ARHGAP8: variants seen among roughly 807,000 people sequenced by gnomAD.
ARHGAP8 encodes the protein rho GTPase-activating protein 8.
In ARHGAP8, 62 loss-of-function variants were observed where a neutral mutation model predicts 46.1. The observed-to-expected ratio is 1.34, with a 90% confidence interval of 1.10 to 1.66. ARHGAP8 has a LOEUF of 1.66. Among genes scored for constraint, ARHGAP8 ranks in the 40% most tolerant of loss-of-function variants. ARHGAP8 has a pLI of 0.00. For synonymous variants in ARHGAP8, 375 were observed against 243.1 expected (o/e 1.54, Z -5.05); for missense variants, 923 against 568.4 (o/e 1.62, Z -6.34).
chr22:44,762,386 T>C (rs1338877238), intron 1 of ARHGAP8, among the ~76,000 whole-genome samples: 1 of 151,988 alleles, frequency 6.6e-6, no homozygotes, highest in Non-Finnish European at 1.5e-5. Flanking sequence ...TAGTGAGCTA[T>C]GATCATACCA....
intron 2 of ARHGAP8, among the ~76,000 whole-genome samples, chr22:44,787,838 C>A (rs1927370703): frequency 6.6e-6 from 1 of 151,322 alleles, no homozygotes; most frequent in African/African-American, 2.4e-5. Flanking sequence ...ATGATAAACA[C>A]TTTAGTGCAC....
chr22:44,860,585 G>A (rs924791217), intron 11 of ARHGAP8, among the ~76,000 whole-genome samples: 4 of 152,030 alleles, frequency 2.6e-5, no homozygotes, highest in Admixed American at 2.6e-4. Flanking sequence ...TCCAAATAAG[G>A]TCACAGTCAG....
rs2070361651 is a variant in ARHGAP8 at position 44,859,557 on chromosome 22, A to C, written c.878-174A>C. The C allele has an allele frequency of 6.3e-6, 4 of 639,018 alleles. No individual in the cohort carries two copies. The East Asian group carries it at 8.3e-5, about 13-fold the overall frequency. The allele number at this position is 639,018 out of a possible 1,614,324, so 39.6% of individuals were successfully genotyped here. On this transcript the variant is annotated intron_variant, in intron 10 of 11. Coordinates refer to ENST00000356099, the MANE Select transcript of ARHGAP8 (RefSeq NM_181335.3). ...TCTCAGCAAGAATAGCCAAACACACAGGTTTGCTGAGCAGAGCCATACGGC... is the reference window on the plus strand; with the variant it reads ...TCTCAGCAAGAATAGCCAAACACACCGGTTTGCTGAGCAGAGCCATACGGC...
intron 1 of ARHGAP8, among the ~76,000 whole-genome samples, chr22:44,762,508 C>T (rs1925206647): frequency 6.6e-6 from 1 of 150,616 alleles, no homozygotes. Context: ...CTTGGAAGAG[C>T]ATCTTTTGTT....
chr22:44,837,430 C>T (rs1299894008), intron 7 of ARHGAP8, among the ~76,000 whole-genome samples: 1 of 152,178 alleles, frequency 6.6e-6, no homozygotes, highest in African/African-American at 2.4e-5. Context: ...GCTCCAGAGT[C>T]CTCCTGCCCA....
At chr22:44,781,751 C>T (rs1926864263) in intron 1 of ARHGAP8, among the ~76,000 whole-genome samples, 2 of 152,166 alleles carry the variant, frequency 1.3e-5, no homozygotes. Flanking sequence ...TCTTGAACTC[C>T]TGACCTCAGG....
chr22:44,753,615 G>C (rs1410893429), intron 1 of ARHGAP8, among the ~76,000 whole-genome samples: 1 of 151,750 alleles, frequency 6.6e-6, no homozygotes, highest in East Asian at 1.9e-4. Context: ...AATCCTGTGG[G>C]GGGTGGGGGG....
At position 44,768,700 on chromosome 22, in the gene ARHGAP8, T is replaced by C. The variant is rs35766991; in HGVS notation, c.-72+16073T>C. Among the ~76,000 whole-genome samples, 1,242 of 152,316 alleles carry C rather than the reference T, an allele frequency of 8.2e-3. 9 individuals carry two copies. Among genetic ancestry groups the C allele is most frequent in the Middle Eastern group, 0.027 (8 of 294 alleles). On this transcript the variant is annotated intron_variant, in intron 1 of 11. Coordinates refer to ENST00000356099, the MANE Select transcript of ARHGAP8 (RefSeq NM_181335.3). Reference sequence around the variant, plus strand: ...TTAATTAGATTCAGATGAAGCCTTTTGGGCAAGAGTTCCTTACAGCCCTGT... The same window carrying C: ...TTAATTAGATTCAGATGAAGCCTTTCGGGCAAGAGTTCCTTACAGCCCTGT...
intron 1 of ARHGAP8, among the ~76,000 whole-genome samples, chr22:44,767,337 CCTCT>C (rs964637710): frequency 4.0e-5 from 6 of 151,796 alleles, no homozygotes; most frequent in Non-Finnish European, 7.4e-5. Context: ...TCTTTCTCCC[CCTCT>C]CTCTCTCTCT....
At chr22:44,861,975 A>C (rs539755417) in intron 11 of ARHGAP8, among the ~76,000 whole-genome samples, 1 of 152,110 alleles carries the variant, frequency 6.6e-6, no homozygotes, top group Non-Finnish European at 1.5e-5. Flanking sequence ...GCCCATCCCC[A>C]AGATTGCATC....
chr22:44,778,675 C>G (rs1286640001), intron 1 of ARHGAP8, among the ~76,000 whole-genome samples: 1 of 152,164 alleles, frequency 6.6e-6, no homozygotes, highest in Non-Finnish European at 1.5e-5. Flanking sequence ...TTCACCGCAG[C>G]CACGCCAATA....
chr22:44,850,813 A>C (rs1161572042), intron 10 of ARHGAP8: 1 of 151,930 alleles, frequency 6.6e-6, no homozygotes, highest in African/African-American at 2.4e-5. Context: ...AAAATACAAA[A>C]ATTAGCCAAG....
At chr22:44,824,717 C>T (rs1489019022) in intron 6 of ARHGAP8, among the ~76,000 whole-genome samples, 1 of 151,484 alleles carries the variant, frequency 6.6e-6, no homozygotes, top group East Asian at 1.9e-4. Flanking sequence ...TCTGCAACCT[C>T]CACCTCCTGG....
In ARHGAP8 at chr22:44,786,321, G is replaced by T. The variant is rs1927228866; in HGVS notation, c.-71-136G>T. ...TCGGCTGAGGCAGGGCGCGTAGTGG[G>T]TGCACGGCTGAGGTAGGGCGCGTAG... On this transcript the variant is annotated intron_variant, in intron 1 of 11. Transcript: ENST00000356099. 6 of 1,030,644 alleles carry T rather than the reference G, an allele frequency of 5.8e-6. No homozygotes were observed. The Admixed American group carries it at 1.5e-4, about 25-fold the overall frequency. 63.8% of individuals were successfully genotyped at this position (1,030,644 alleles called of 1,614,324 possible). A position where few individuals can be genotyped will look rare whatever the true frequency, so the allele number is the denominator to read the frequency against.
At chr22:44,808,963 G>A (rs1316730431) in intron 4 of ARHGAP8, 6 of 394,436 alleles carry the variant, frequency 1.5e-5, no homozygotes, top group African/African-American at 8.3e-5. Context: ...GACTACAGGC[G>A]TTCACCACCA....
chr22:44,798,686 C>G (rs967050618), intron 2 of ARHGAP8, among the ~76,000 whole-genome samples: 1 of 152,122 alleles, frequency 6.6e-6, no homozygotes, highest in Non-Finnish European at 1.5e-5. Context: ...GTGCTGGACA[C>G]GCTCCATCCC....
intron 8 of ARHGAP8, among the ~76,000 whole-genome samples, chr22:44,846,009 G>A (rs2069946166): frequency 9.3e-6 from 1 of 107,180 alleles, no homozygotes; most frequent in Non-Finnish European, 1.9e-5. Context: ...CAAGAAGTGA[G>A]TGCCCCCCCC....
intron 7 of ARHGAP8, among the ~76,000 whole-genome samples, chr22:44,837,673 A>G (rs2147144919): frequency 6.6e-6 from 1 of 152,244 alleles, no homozygotes; most frequent in African/African-American, 2.4e-5. Context: ...CCATTGAACA[A>G]GCCTCTCTCT....
rs955941262 is a variant in ARHGAP8, at chr22:44,856,830, C to T, written c.878-2901C>T. 1.2e-4 allele frequency among the ~76,000 whole-genome samples: 17 copies of T among 144,454 alleles called. 3 individuals are homozygous for T. Among genetic ancestry groups the T allele is most frequent in the South Asian group, 8.5e-4 (4 of 4,684 alleles). 94.8% of individuals were successfully genotyped at this position (144,454 alleles called of 152,430 possible). On this transcript the variant is annotated intron_variant, in intron 10 of 11. Transcript: ENST00000356099. ...GTCAAAACCAAAGAACCCATTCTTC[C>T]GAATGTGGCTCTGCTGGTCCAAATT...
Sources: allele counts gnomAD v4.1 joint callset (sites outside exome capture counted in the v4.1 genomes callset), GRCh38; gene constraint gnomAD v4.1.1; transcripts MANE v1.5; gene names NCBI Gene and HGNC (gene_info 2026-07-23, HGNC 2026-07-21).